IL3RA: variants seen among roughly 807,000 people sequenced by gnomAD.
The protein encoded by IL3RA is interleukin-3 receptor subunit alpha.
IL3RA carries 73 observed loss-of-function variants against 52.3 expected under a neutral mutation model. The observed-to-expected ratio is 1.40, with a 90% CI of 1.16 to 1.70. The LOEUF is 1.70. IL3RA is among the 40% of genes most tolerant of loss of function. The pLI is 0.00. For synonymous variants in IL3RA, 260 were observed against 194.0 expected (o/e 1.34, Z -2.83); for missense variants, 664 against 504.4 (o/e 1.32, Z -3.03).
chrX:1,362,917 A>G (rs1437461080), intron 8 of IL3RA, among the ~76,000 whole-genome samples: 1 of 152,012 alleles, frequency 6.6e-6, no homozygotes, highest in Admixed American at 6.6e-5. Context: ...CTGGGACTAC[A>G]GGTGCACACC....
rs1399861084 is a variant in IL3RA at position 1,356,351 on chromosome X, C to CGCCCCCA, written c.732+22_732+28dup. 3.2e-6 allele frequency: 5 copies of CGCCCCCA among 1,546,786 alleles called. No individual in the cohort carries two copies. Among genetic ancestry groups the CGCCCCCA allele is most frequent in the Non-Finnish European group, 3.6e-6 (4 of 1,121,670 alleles). On this transcript the variant is annotated intron_variant, in intron 7 of 11. Coordinates refer to ENST00000331035, the MANE Select transcript of IL3RA (RefSeq NM_002183.4). ...AGATACAAAAGGTAAACTTTCACCCCGCCCCCAGCCCCCCCACCCCCGTGG... is the reference window on the plus strand; with the variant it reads ...AGATACAAAAGGTAAACTTTCACCCCGCCCCCAGCCCCCAGCCCCCCCACCCCCGTGG...
intron 1 of IL3RA, among the ~76,000 whole-genome samples, chrX:1,339,027 T>C (rs1248909911): frequency 6.6e-6 from 1 of 152,042 alleles, no homozygotes; most frequent in African/African-American, 2.4e-5. Flanking sequence ...TTTGTATGTT[T>C]AGTATGTTTT....
intron 2 of IL3RA, among the ~76,000 whole-genome samples, chrX:1,343,434 G>T (rs1268194003): frequency 6.6e-6 from 1 of 151,892 alleles, no homozygotes; most frequent in Non-Finnish European, 1.5e-5. Flanking sequence ...GGAGGCTGAG[G>T]CGGGTGGATC....
chrX:1,354,439 AGAG>A (rs1175705894), intron 6 of IL3RA, among the ~76,000 whole-genome samples: 8 of 150,448 alleles, frequency 5.3e-5, no homozygotes, highest in Non-Finnish European at 8.9e-5. Flanking sequence ...GAAACGAGGA[AGAG>A]GAGGAGAAGG....
intron 7 of IL3RA, 152 bp from the exon 8 acceptor site, chrX:1,358,709 G>T: frequency 1.6e-6 from 1 of 622,208 alleles, no homozygotes; most frequent in Non-Finnish European, 2.9e-6. Context: ...TTACTCCTAA[G>T]CTCATTATTT....
At chrX:1,347,870 C>G (rs1233046927) in intron 3 of IL3RA, among the ~76,000 whole-genome samples, 1 of 150,518 alleles carries the variant, frequency 6.6e-6, no homozygotes, top group African/African-American at 2.5e-5. Flanking sequence ...AACCCCGTCT[C>G]TACTAAAAAT....
intron 9 of IL3RA, among the ~76,000 whole-genome samples, chrX:1,365,598 A>C (rs1472467028): frequency 8.8e-5 from 2 of 22,612 alleles, no homozygotes; most frequent in African/African-American, 6.1e-4. Context: ...GCGCGGGGTG[A>C]GCGGGGTGAG....
chrX:1,364,898 T>A (rs769477132), intron 8 of IL3RA, among the ~76,000 whole-genome samples: 8 of 151,952 alleles, frequency 5.3e-5, no homozygotes, highest in Admixed American at 3.3e-4. Flanking sequence ...AACCTCCACC[T>A]CTCAGGTTTA....
chrX:1,382,572 T>C lies in IL3RA; in HGVS notation c.*107T>C. 1 of 1,013,992 alleles carries C rather than the reference T, an allele frequency of 9.9e-7. No individual in the cohort carries two copies. Among genetic ancestry groups the C allele is most frequent in the Non-Finnish European group, 1.6e-6 (1 of 638,076 alleles). 62.8% of individuals were successfully genotyped at this position (1,013,992 alleles called of 1,614,324 possible). On this transcript the variant is annotated 3_prime_UTR_variant, in exon 12 of 12. Coordinates refer to ENST00000331035, the MANE Select transcript of IL3RA (RefSeq NM_002183.4). ...GCGCACGCAGCCCAGGAATGGACAT[T>C]CCTAACGGGTGGTGGGCATGGGAGA... is the stretch of plus-strand genomic sequence containing the variant.
Position 1,356,876 on chromosome X carries a change from CT to C in IL3RA, c.732+544del, listed in dbSNP as rs776880464. On this transcript the variant is annotated intron_variant, in intron 7 of 11. Transcript: ENST00000331035. ...AATTTTTTCTTGAACTTTCTTTTTT[CT>C]TTTGTAGTGATCTACAGATTCAATG... 8.1e-3 allele frequency among the ~76,000 whole-genome samples: 1,219 copies of C among 149,934 alleles called. 20 individuals carry two copies. The highest frequency in any genetic ancestry group is 0.028 in the African/African-American group (1,141 of 40,870).
At chrX:1,366,333 G>C (rs2149133890) in intron 9 of IL3RA, among the ~76,000 whole-genome samples, 1 of 66,914 alleles carries the variant, frequency 1.5e-5, no homozygotes, top group East Asian at 5.0e-4. Flanking sequence ...AGCCGGGTGC[G>C]CGGGGTGAGC....
At chrX:1,360,565 C>T (rs2087177098) in intron 8 of IL3RA, among the ~76,000 whole-genome samples, 1 of 152,000 alleles carries the variant, frequency 6.6e-6, no homozygotes, top group Non-Finnish European at 1.5e-5. Context: ...GTTGCCCAGG[C>T]TGGAGTGCGA....
intron 9 of IL3RA, among the ~76,000 whole-genome samples, chrX:1,367,870 A>G (rs1247877195): frequency 1.3e-5 from 2 of 151,248 alleles, no homozygotes; most frequent in Non-Finnish European, 2.9e-5. Flanking sequence ...TCTCCTGCAA[A>G]GGAGAGGAGA....
intron 9 of IL3RA, among the ~76,000 whole-genome samples, chrX:1,366,562 G>C (rs1281068007): frequency 4.7e-5 from 2 of 42,776 alleles, no homozygotes; most frequent in Admixed American, 2.3e-4. Flanking sequence ...GGGTGCGCGG[G>C]GTGAGCCGGG....
chrX:1,368,094 C>CA lies in IL3RA; in HGVS notation c.874+2848dup, dbSNP rs761589549. Among the ~76,000 whole-genome samples the CA allele has an allele frequency of 7.2e-3, 1,099 of 152,190 alleles. 12 individuals carry two copies. The highest frequency in any genetic ancestry group is 0.045 in the South Asian group (216 of 4,816). On this transcript the variant is annotated intron_variant, in intron 9 of 11. Transcript: ENST00000331035. Reference sequence around the variant, plus strand: ...CTAACACGGTGAAACCCGGTCTCTACAAAAAATGTAACAAATTAGCCAGGC... The same window carrying CA: ...CTAACACGGTGAAACCCGGTCTCTACAAAAAAATGTAACAAATTAGCCAGGC...
At chrX:1,378,576 C>T in intron 9 of IL3RA, 83 bp from the exon 10 acceptor site, 2 of 1,232,926 alleles carry the variant, frequency 1.6e-6, no homozygotes, top group East Asian at 2.5e-5. Context: ...CTCTCTGCTT[C>T]CCAGGGCCCC....
chrX:1,367,647 C>G (rs866543264), intron 9 of IL3RA, among the ~76,000 whole-genome samples: 14 of 45,778 alleles, frequency 3.1e-4, no homozygotes, highest in South Asian at 7.7e-4. Context: ...CCGGGTGAGC[C>G]GGGTGCGCGG....
At chrX:1,348,664 T>C (rs1463386157) in intron 4 of IL3RA, 119 bp downstream of exon 4, 1 of 454,692 alleles carries the variant, frequency 2.2e-6, no homozygotes, top group Non-Finnish European at 3.8e-6. Context: ...CTTTCTTTCT[T>C]TCTTTCTTTC....
intron 3 of IL3RA, among the ~76,000 whole-genome samples, chrX:1,347,323 A>T (rs2085789244): frequency 1.3e-5 from 2 of 151,080 alleles, no homozygotes; most frequent in African/African-American, 4.9e-5. Context: ...TGGTGCCTGT[A>T]GTCCCAGCTA....
Sources: gnomAD v4.1 joint callset for allele counts (sites outside exome capture counted in the v4.1 genomes callset) on GRCh38, gnomAD v4.1.1 for gene constraint, MANE v1.5 for transcripts, NCBI Gene and HGNC (gene_info 2026-07-23, HGNC 2026-07-21) for gene names.